Variants in NRXN1 observed in about 807,000 individuals in gnomAD.
NRXN1 encodes the protein neurexin 1.
NRXN1 carries 39 observed loss-of-function variants against 150.9 expected under a neutral mutation model. The ratio of observed to expected loss-of-function variants is 0.26; its 90% confidence interval spans 0.20 to 0.34. The LOEUF is 0.34. NRXN1 is among the 10% of genes least tolerant of loss of function. NRXN1 has a pLI of 1.00. For missense variants in NRXN1, 1,815 were observed against 1,949.9 expected (o/e 0.93, Z 1.30); for synonymous variants, 924 against 757.0 (o/e 1.22, Z -3.62).
intron 19 of NRXN1, among the ~76,000 whole-genome samples, chr2:50,083,425 T>A (rs143738896): frequency 6.6e-6 from 1 of 152,336 alleles, no homozygotes; most frequent in East Asian, 1.9e-4. Flanking sequence ...CTAACATGGT[T>A]GTGTGTCCAG....
At chr2:49,926,585 A>C (rs1213244714) in intron 22 of NRXN1, among the ~76,000 whole-genome samples, 1 of 152,238 alleles carries the variant, frequency 6.6e-6, no homozygotes, top group Non-Finnish European at 1.5e-5. Flanking sequence ...AACAGTTACT[A>C]CTAAAGGCAT....
intron 17 of NRXN1, among the ~76,000 whole-genome samples, chr2:50,276,241 A>T (rs1006189038): frequency 6.6e-6 from 1 of 152,050 alleles, no homozygotes; most frequent in African/African-American, 2.4e-5. Flanking sequence ...TATCAAAACC[A>T]CACAGCTGTT....
intron 5 of NRXN1, among the ~76,000 whole-genome samples, chr2:50,867,820 T>A (rs961512530): frequency 6.6e-6 from 1 of 151,572 alleles, no homozygotes; most frequent in African/African-American, 2.4e-5. Context: ...TTAAAAAGAG[T>A]AATTTTCTGA....
chr2:50,945,322 G>A (rs561637873), intron 2 of NRXN1, among the ~76,000 whole-genome samples: 2 of 151,992 alleles, frequency 1.3e-5, no homozygotes, highest in African/African-American at 4.8e-5. Context: ...AAAATTAGCT[G>A]GTGTGCTGGT....
chr2:50,716,350 C>T (rs928663844), intron 5 of NRXN1, among the ~76,000 whole-genome samples: 2 of 151,832 alleles, frequency 1.3e-5, no homozygotes, highest in East Asian at 1.9e-4. Flanking sequence ...TTTAGGAAGC[C>T]GCAATCTACA....
At chr2:50,481,760 C>CTTTTTTTTTTTTTTTTTTTTTTT in intron 15 of NRXN1, among the ~76,000 whole-genome samples, 2 of 82,958 alleles carry the variant, frequency 2.4e-5, no homozygotes, top group Non-Finnish European at 4.0e-5. Flanking sequence ...ACTTTTGTTT[C>CTTTTTTTTTTTTTTTTTTTTTTT]TTTTTTTTTT....
At position 50,141,008 on chromosome 2, in the gene NRXN1, C is replaced by T. The variant is rs145322294; in HGVS notation, c.3547-49514G>A. On this transcript the variant is annotated intron_variant, in intron 18 of 22. Transcript: ENST00000401669. ...CATATATAAAGCACAGATTGACAAG[C>T]TGGCTTATTAATACTAGGTGTAGAT... Among the ~76,000 whole-genome samples, 51 of 152,048 alleles carry T rather than the reference C, an allele frequency of 3.4e-4. 1 individual carries two copies. The East Asian group carries it at 8.1e-3, about 24-fold the overall frequency.
intron 15 of NRXN1, among the ~76,000 whole-genome samples, chr2:50,473,454 A>C (rs2089707283): frequency 6.6e-6 from 1 of 151,958 alleles, no homozygotes; most frequent in South Asian, 2.1e-4. Flanking sequence ...AAACATAACT[A>C]AGTGACTTTA....
intron 8 of NRXN1, chr2:50,554,334 A>G (rs1174434083): frequency 6.6e-6 from 1 of 152,170 alleles, no homozygotes; most frequent in Admixed American, 6.5e-5. Context: ...AACTGAACCA[A>G]GAGATGGCTG....
rs140085471 is a variant in NRXN1 at position 50,543,519 on chromosome 2, G to A, written c.1760-4883C>T. Among the ~76,000 whole-genome samples, 960 of 152,054 alleles carry A rather than the reference G, an allele frequency of 6.3e-3. 5 individuals are homozygous for A. Among genetic ancestry groups the A allele is most frequent in the African/African-American group, 0.021 (886 of 41,516 alleles). On this transcript the variant is annotated intron_variant, in intron 9 of 22. Transcript: ENST00000401669. ...CTTACATGTAAAGCTGTTTTTTCAC[G>A]ACACATGTAAGAGGTAAAATGAAGG...
chr2:50,569,000 C>A (rs1236314751), intron 8 of NRXN1, among the ~76,000 whole-genome samples: 1 of 152,002 alleles, frequency 6.6e-6, no homozygotes, highest in Non-Finnish European at 1.5e-5. Flanking sequence ...AACAACATGG[C>A]TGAAACTGGA....
At position 50,347,566 on chromosome 2, in the gene NRXN1, G is replaced by A. The variant is rs201983473; in HGVS notation, c.3365-110596C>T. ...CGGGCAGCGCGCGGAGCAGCGGCGCGCATCGCCTGCTCCCGAGGCAATCTC... is the reference window on the plus strand; with the variant it reads ...CGGGCAGCGCGCGGAGCAGCGGCGCACATCGCCTGCTCCCGAGGCAATCTC... On this transcript the variant is annotated intron_variant, in intron 17 of 22. Coordinates refer to ENST00000401669, the MANE Select transcript of NRXN1 (RefSeq NM_001330078.2). The surrounding 1 kb of genome is among the most constrained non-coding windows in gnomAD (Gnocchi z 4.9). 372 of 1,018,316 alleles carry A rather than the reference G, an allele frequency of 3.7e-4. 3 individuals carry two copies. The African/African-American group carries it at 6.2e-3, about 17-fold the overall frequency. 63.1% of individuals were successfully genotyped at this position (1,018,316 alleles called of 1,614,324 possible).
In NRXN1 at chr2:50,421,165, A is replaced by G. The variant is rs975676018; in HGVS notation, c.3364+44277T>C. The stretch of plus-strand genomic sequence containing the variant: ...ATTTTTCATGTCAAAGGACTTTTAC[A>G]CTAACGTTATGATATGCTGCATTTC... On this transcript the variant is annotated intron_variant, in intron 17 of 22. Coordinates refer to ENST00000401669, the MANE Select transcript of NRXN1 (RefSeq NM_001330078.2). Among the ~76,000 whole-genome samples, 18 of 152,104 alleles carry G rather than the reference A, an allele frequency of 1.2e-4. No individual in the cohort carries two copies. In the East Asian group the frequency reaches 2.7e-3, roughly 23 times the overall value.
At chr2:50,190,703 C>A (rs1191406831) in intron 18 of NRXN1, among the ~76,000 whole-genome samples, 3 of 150,662 alleles carry the variant, frequency 2.0e-5, no homozygotes, top group African/African-American at 7.3e-5. Context: ...ACCTCCACCT[C>A]CCAAGTTCAA....
rs1206664073 is a variant in NRXN1 at position 50,220,330 on chromosome 2, C to T, written c.3546+16459G>A. 2.6e-5 allele frequency among the ~76,000 whole-genome samples: 4 copies of T among 151,858 alleles called. No individual in the cohort carries two copies. In the East Asian group the frequency reaches 5.9e-4, roughly 22 times the overall value. ...GACCAAGACAGAGTGTGCATAATAA[C>T]CTTGATGTTGGGAAAAGACTATGCC... On this transcript the variant is annotated intron_variant, in intron 18 of 22. Transcript: ENST00000401669.
chr2:49,952,990 TCGAAGTGAAGGTTC>T (rs1463842068), intron 21 of NRXN1, among the ~76,000 whole-genome samples: 63 of 152,220 alleles, frequency 4.1e-4, no homozygotes, highest in African/African-American at 1.5e-3. Flanking sequence ...ACAATGACCT[TCGAAGTGAAGGTTC>T]AAGATCAAAG....
chr2:50,837,611 T>A (rs1190933008), intron 5 of NRXN1, among the ~76,000 whole-genome samples: 4 of 152,204 alleles, frequency 2.6e-5, no homozygotes, highest in South Asian at 2.1e-4. Flanking sequence ...AAAAATTAAA[T>A]CAATATTATT....
At chr2:50,656,425 A>G (rs1686471115) in intron 5 of NRXN1, 9 of 772,884 alleles carry the variant, frequency 1.2e-5, no homozygotes, top group Non-Finnish European at 2.2e-5. Context: ...AGGAGTTTAT[A>G]AAGTTCTAGA....
intron 8 of NRXN1, chr2:50,615,467 A>G (rs1044499121): frequency 6.6e-6 from 1 of 152,222 alleles, no homozygotes; most frequent in Non-Finnish European, 1.5e-5. Flanking sequence ...TAAGCATTTC[A>G]GAGCATTTCG....
Sources: gnomAD v4.1 joint callset for allele counts (sites outside exome capture counted in the v4.1 genomes callset) on GRCh38, gnomAD v4.1.1 for gene constraint, Gnocchi (gnomAD v3.1) non-coding constraint, MANE v1.5 for transcripts, NCBI Gene and HGNC (gene_info 2026-07-23, HGNC 2026-07-21) for gene names.